The following MECOM variants were observed in gnomAD, a reference collection of about 807,000 sequenced individuals.
The protein encoded by MECOM is histone-lysine N-methyltransferase MECOM.
MECOM carries 13 observed loss-of-function variants against 116.3 expected under a neutral mutation model. That is an observed-to-expected ratio of 0.11 (90% CI 0.07 to 0.18). The LOEUF (loss-of-function observed/expected upper bound fraction) is 0.18. Ranked by LOEUF, MECOM falls within the 10% of genes least tolerant of loss-of-function variation. The pLI is 1.00. For synonymous variants in MECOM, 528 were observed against 535.2 expected (o/e 0.99, Z 0.19); for missense variants, 1,299 against 1,509.0 (o/e 0.86, Z 2.31).
chr3:169,241,329 C>T (rs1250029095), intron 2 of MECOM, among the ~76,000 whole-genome samples: 1 of 152,060 alleles, frequency 6.6e-6, no homozygotes, highest in Non-Finnish European at 1.5e-5. Context: ...AAGTAAAAAA[C>T]TTGGCAGGAT....
chr3:169,547,750 G>A (rs1240807789), intron 1 of MECOM, among the ~76,000 whole-genome samples: 1 of 152,030 alleles, frequency 6.6e-6, no homozygotes, highest in Non-Finnish European at 1.5e-5. Flanking sequence ...TAAATCCAAT[G>A]ACCAGGGCCC....
intron 8 of MECOM, among the ~76,000 whole-genome samples, chr3:169,114,535 T>G (rs6781947): frequency 0.028 from 4,219 of 152,298 alleles, 206 homozygotes; most frequent in African/African-American, 0.097. Flanking sequence ...AATACTCCGA[T>G]GTTAAATAAG....
chr3:169,398,635 GT>G, intron 1 of MECOM, among the ~76,000 whole-genome samples: 1 of 152,232 alleles, frequency 6.6e-6, no homozygotes, highest in Non-Finnish European at 1.5e-5. Context: ...TCCCTGTGTT[GT>G]TTTCTTTGTC....
intron 1 of MECOM, among the ~76,000 whole-genome samples, chr3:169,521,608 T>C (rs1478329907): frequency 1.3e-5 from 2 of 152,154 alleles, no homozygotes; most frequent in Non-Finnish European, 2.9e-5. Flanking sequence ...CAGTGCAGCA[T>C]TGGAATCACT....
chr3:169,581,911 G>A (rs962798371), intron 1 of MECOM, among the ~76,000 whole-genome samples: 5 of 152,176 alleles, frequency 3.3e-5, no homozygotes, highest in African/African-American at 1.2e-4. Flanking sequence ...GGCTGCAATT[G>A]CAAGTCATTT....
intron 4 of MECOM, among the ~76,000 whole-genome samples, chr3:169,130,609 T>C (rs1488012734): frequency 2.0e-5 from 3 of 152,032 alleles, no homozygotes; most frequent in Admixed American, 6.5e-5. Context: ...AAGCAAAAGC[T>C]GAGATTTTCC....
At chr3:169,568,086 G>A (rs1193439601) in intron 1 of MECOM, among the ~76,000 whole-genome samples, 1 of 152,114 alleles carries the variant, frequency 6.6e-6, no homozygotes, top group Non-Finnish European at 1.5e-5. Flanking sequence ...GAAGCAGGAT[G>A]GGGCGTCACC....
At chr3:169,245,670 A>G (rs991737909) in intron 2 of MECOM, among the ~76,000 whole-genome samples, 2 of 152,208 alleles carry the variant, frequency 1.3e-5, no homozygotes, top group African/African-American at 4.8e-5. Context: ...TGCCCTCTCC[A>G]AGTAAAAATA....
At chr3:169,557,174 A>G (rs75266235) in intron 1 of MECOM, among the ~76,000 whole-genome samples, 203 of 152,262 alleles carry the variant, frequency 1.3e-3, no homozygotes, top group African/African-American at 4.7e-3. Context: ...CAGGGTACCT[A>G]ATGTTACAGA....
chr3:169,603,905 T>C (rs548775770), intron 1 of MECOM, among the ~76,000 whole-genome samples: 1 of 152,292 alleles, frequency 6.6e-6, no homozygotes, highest in Middle Eastern at 3.4e-3. Flanking sequence ...GAAAATGTCA[T>C]TTTTACTAGA....
chr3:169,244,755 T>C (rs906226676), intron 2 of MECOM, among the ~76,000 whole-genome samples: 1 of 152,188 alleles, frequency 6.6e-6, no homozygotes, highest in Non-Finnish European at 1.5e-5. Context: ...ACAAGTTTGG[T>C]CGGCTTCAAT....
At chr3:169,236,036 G>T (rs1754023955) in intron 2 of MECOM, among the ~76,000 whole-genome samples, 1 of 152,098 alleles carries the variant, frequency 6.6e-6, no homozygotes, top group Non-Finnish European at 1.5e-5. Context: ...GGCAGCACCA[G>T]CCAGCCACAG....
intron 2 of MECOM, among the ~76,000 whole-genome samples, chr3:169,180,338 A>C (rs1384933542): frequency 2.0e-5 from 3 of 152,096 alleles, no homozygotes; most frequent in Non-Finnish European, 2.9e-5. Flanking sequence ...CAATATTAAT[A>C]TATATATAGA....
At chr3:169,329,711 T>A (rs1413740510) in intron 2 of MECOM, among the ~76,000 whole-genome samples, 1 of 152,222 alleles carries the variant, frequency 6.6e-6, no homozygotes, top group African/African-American at 2.4e-5. Flanking sequence ...TTGCAATATT[T>A]TTAAGAGAAA....
At chr3:169,176,943 G>A (rs558623180) in intron 2 of MECOM, among the ~76,000 whole-genome samples, 9 of 152,160 alleles carry the variant, frequency 5.9e-5, no homozygotes, top group African/African-American at 1.2e-4. Context: ...TCAGAATGGC[G>A]ATTATTTAAA....
intron 1 of MECOM, among the ~76,000 whole-genome samples, chr3:169,408,675 A>G (rs1182293368): frequency 6.6e-6 from 1 of 152,208 alleles, no homozygotes; most frequent in Non-Finnish European, 1.5e-5. Flanking sequence ...TTTCCCATGA[A>G]GACTACAGAA....
intron 1 of MECOM, among the ~76,000 whole-genome samples, chr3:169,506,873 G>T (rs1191559094): frequency 2.0e-5 from 3 of 152,134 alleles, no homozygotes; most frequent in Non-Finnish European, 2.9e-5. Flanking sequence ...GTGTGTATCT[G>T]CCTCCCATGC....
chr3:169,146,560 C>T (rs1305365983), intron 2 of MECOM: 28 of 1,376,124 alleles, frequency 2.0e-5, no homozygotes, highest in Middle Eastern at 2.0e-4. Context: ...GGCTTAGCAA[C>T]GTAGATAAGC....
In MECOM at chr3:169,332,746, A is replaced by G. The variant is rs185825413; in HGVS notation, c.375+48441T>C. Among the ~76,000 whole-genome samples the G allele has an allele frequency of 2.0e-3, 306 of 152,340 alleles. 2 individuals are homozygous for G. Among genetic ancestry groups the G allele is most frequent in the South Asian group, 6.8e-3 (33 of 4,830 alleles). On this transcript the variant is annotated intron_variant, in intron 2 of 16. Coordinates refer to ENST00000651503, the MANE Select transcript of MECOM (RefSeq NM_004991.4). ...ACATTTTACATTTGTGAAATGTCAC[A>G]TACACACAGTAAACAATGCTTATTC...
Sources: allele counts gnomAD v4.1 joint callset (sites outside exome capture counted in the v4.1 genomes callset), GRCh38; gene constraint gnomAD v4.1.1; transcripts MANE v1.5; gene names NCBI Gene and HGNC (gene_info 2026-07-23, HGNC 2026-07-21).